Variants in CIT observed in about 807,000 individuals in gnomAD.
CIT encodes citron rho-interacting serine/threonine kinase, also known as citron Rho-interacting kinase.
In CIT, 79 loss-of-function variants were observed where a neutral mutation model predicts 272.7. That is an observed-to-expected ratio of 0.29 (90% CI 0.24 to 0.35). The LOEUF is 0.35. CIT is among the 10% of genes least tolerant of loss of function. CIT has a pLI of 1.00. For missense variants in CIT, 1,909 were observed against 2,618.3 expected (o/e 0.73, Z 5.91); for synonymous variants, 948 against 995.6 (o/e 0.95, Z 0.90).
rs562657089 is a variant in CIT, at chr12:119,739,385, T to C, written c.2958+3026A>G. Among the ~76,000 whole-genome samples the C allele has an allele frequency of 3.3e-5, 5 of 152,250 alleles. No homozygotes were observed. In the South Asian group the frequency reaches 8.3e-4, roughly 25 times the overall value. Reference sequence around the variant, plus strand: ...AAAGCTGAAGAGAGCTCCTATCAATTGAGTTATTATGGGAGTTGTGGGAAC... The same window carrying C: ...AAAGCTGAAGAGAGCTCCTATCAATCGAGTTATTATGGGAGTTGTGGGAAC... On this transcript the variant is annotated intron_variant, in intron 24 of 47. Coordinates refer to ENST00000392521, the MANE Select transcript of CIT (RefSeq NM_001206999.2).
intron 2 of CIT, among the ~76,000 whole-genome samples, chr12:119,874,067 T>C (rs1211794797): frequency 6.6e-6 from 1 of 152,086 alleles, no homozygotes; most frequent in African/African-American, 2.4e-5. Flanking sequence ...TGTTTTCTTT[T>C]GTTTTGTTTT....
rs949186566 is a variant in CIT at position 119,728,914 on chromosome 12, G to T, written c.3487-308C>A. ...GCTGAATTTAATTAAATAATCATAC[G>T]CTGAATGCTTACTACCTGCATTATA... On this transcript the variant is annotated intron_variant, in intron 27 of 47. Coordinates refer to ENST00000392521, the MANE Select transcript of CIT (RefSeq NM_001206999.2). The surrounding 1 kb of genome is among the most constrained non-coding windows in gnomAD (Gnocchi z 4.3). 6.6e-6 allele frequency among the ~76,000 whole-genome samples: 1 copy of T among 152,112 alleles called. No homozygotes were observed. The highest frequency in any genetic ancestry group is 2.4e-5 in the African/African-American group (1 of 41,406).
At chr12:119,845,652 C>CAA (rs34059849) in intron 5 of CIT, among the ~76,000 whole-genome samples, 4 of 58,878 alleles carry the variant, frequency 6.8e-5, no homozygotes, top group Non-Finnish European at 1.1e-4. Context: ...GACTCTGTCT[C>CAA]AAAAAAAAAA....
Position 119,776,349 on chromosome 12 carries a change from A to C in CIT, c.1887+9T>G. On this transcript the variant is annotated intron_variant, in intron 15 of 47. Coordinates refer to ENST00000392521, the MANE Select transcript of CIT (RefSeq NM_001206999.2). ...ATATTAATAGCAAAACCAATCATGGAAAGTATACCTTCTCCAGTTTCGCAT... is the reference window on the plus strand; with the variant it reads ...ATATTAATAGCAAAACCAATCATGGCAAGTATACCTTCTCCAGTTTCGCAT... 6.2e-7 allele frequency: 1 copy of C among 1,611,044 alleles called. No homozygotes were observed. The highest frequency in any genetic ancestry group is 8.5e-7 in the Non-Finnish European group (1 of 1,177,540).
intron 19 of CIT, among the ~76,000 whole-genome samples, chr12:119,765,679 C>G (rs1161974581): frequency 6.6e-6 from 1 of 151,616 alleles, no homozygotes; most frequent in East Asian, 1.9e-4. Flanking sequence ...GTCAAGTTGC[C>G]TAGGCTAGTC....
At chr12:119,749,484 C>T (rs1300474845) in intron 23 of CIT, among the ~76,000 whole-genome samples, 1 of 152,158 alleles carries the variant, frequency 6.6e-6, no homozygotes, top group African/African-American at 2.4e-5. Context: ...CAAACACATG[C>T]TGTCCATAAC....
intron 20 of CIT, among the ~76,000 whole-genome samples, chr12:119,760,301 T>C (rs552590145): frequency 7.3e-4 from 110 of 151,136 alleles, no homozygotes; most frequent in South Asian, 1.5e-3. Flanking sequence ...CAACTGCCTA[T>C]GTGGATTAGA....
intron 10 of CIT, among the ~76,000 whole-genome samples, chr12:119,799,727 A>C (rs1966024472): frequency 6.6e-6 from 1 of 152,158 alleles, no homozygotes; most frequent in Non-Finnish European, 1.5e-5. Context: ...ACTGATTTTT[A>C]CCTTCTACAG....
At chr12:119,825,494 G>T in intron 7 of CIT, 126 bp from the exon 8 acceptor site, 1 of 760,150 alleles carries the variant, frequency 1.3e-6, no homozygotes. Flanking sequence ...ACTTAAACCA[G>T]CTGTCAAGTG....
intron 7 of CIT, among the ~76,000 whole-genome samples, chr12:119,827,528 C>T (rs1235428718): frequency 1.3e-5 from 2 of 151,898 alleles, no homozygotes; most frequent in African/African-American, 2.4e-5. Flanking sequence ...ACCTCCTCCT[C>T]CCAGGTTCAA....
At chr12:119,795,322 G>A (rs1023239665) in intron 10 of CIT, among the ~76,000 whole-genome samples, 2 of 152,160 alleles carry the variant, frequency 1.3e-5, no homozygotes, top group African/African-American at 4.8e-5. Flanking sequence ...GGGAGGCGGA[G>A]GTTGCAATAA....
chr12:119,866,769 T>C (rs1344668161), intron 3 of CIT, among the ~76,000 whole-genome samples: 2 of 152,118 alleles, frequency 1.3e-5, no homozygotes, highest in Non-Finnish European at 2.9e-5. Flanking sequence ...CAGTGAGCTA[T>C]GATTGTGCTG....
chr12:119,695,288 GAGC>G (rs1409076018), intron 46 of CIT, among the ~76,000 whole-genome samples: 2 of 152,088 alleles, frequency 1.3e-5, no homozygotes, highest in African/African-American at 4.8e-5. Context: ...CCACTAGAGG[GAGC>G]AGATCAGGAT....
In CIT at chr12:119,768,012, A is replaced by C. The variant is rs1962654759; in HGVS notation, c.2209-830T>G. On this transcript the variant is annotated intron_variant, in intron 18 of 47. Transcript: ENST00000392521. This position sits in a 1 kb window ranked among gnomAD's most constrained non-coding sequence, Gnocchi z 4.3. ...CTGCAACTTTCACCTCCCAGGTTCA[A>C]GCAATTCTCATGTCTCAGTCTCCCA... Among the ~76,000 whole-genome samples, 1 of 151,698 alleles carries C rather than the reference A, an allele frequency of 6.6e-6. No homozygotes were observed.
At chr12:119,742,330 A>C (rs1959098138) in intron 24 of CIT, 81 bp downstream of exon 24, 1 of 996,046 alleles carries the variant, frequency 1.0e-6, no homozygotes, top group Admixed American at 2.8e-5. Flanking sequence ...TCAGTCACCA[A>C]TATTTTAAAG....
chr12:119,722,296 G>A (rs1305160479), intron 28 of CIT, among the ~76,000 whole-genome samples: 3 of 152,068 alleles, frequency 2.0e-5, no homozygotes, highest in Admixed American at 6.6e-5. Flanking sequence ...ACTTAGTGTG[G>A]CCCAAATAAT....
intron 6 of CIT, 33 bp downstream of exon 6, chr12:119,834,053 T>C: frequency 6.3e-7 from 1 of 1,576,502 alleles, no homozygotes; most frequent in Non-Finnish European, 8.6e-7. Flanking sequence ...AGGAAAATCC[T>C]CAGCATAAAA....
intron 9 of CIT, among the ~76,000 whole-genome samples, chr12:119,813,445 T>A (rs575918739): frequency 4.7e-4 from 71 of 152,184 alleles, no homozygotes; most frequent in Admixed American, 2.0e-3. Context: ...TTTAGTTCTA[T>A]CCAAACTTCA....
chr12:119,716,736 C>A (rs555576301), intron 32 of CIT, among the ~76,000 whole-genome samples: 1 of 152,240 alleles, frequency 6.6e-6, no homozygotes, highest in South Asian at 2.1e-4. Context: ...GACCTTTAAC[C>A]CAGTGATTCA....
Sources: gnomAD v4.1 joint callset for allele counts (sites outside exome capture counted in the v4.1 genomes callset) on GRCh38, gnomAD v4.1.1 for gene constraint, Gnocchi (gnomAD v3.1) non-coding constraint, MANE v1.5 for transcripts, NCBI Gene and HGNC (gene_info 2026-07-23, HGNC 2026-07-21) for gene names.